SYT14: variants seen among roughly 807,000 people sequenced by gnomAD.
SYT14 encodes the protein synaptotagmin 14.
Under a neutral mutation model 74.2 loss-of-function variants are expected in SYT14, and 32 were observed. The observed-to-expected ratio is 0.43, with a 90% CI of 0.33 to 0.58. The LOEUF (loss-of-function observed/expected upper bound fraction) is 0.58. Among genes scored for constraint, SYT14 ranks in the 20% least tolerant of loss-of-function variants. The pLI is 0.05. For missense variants in SYT14, 791 were observed against 981.8 expected (o/e 0.81, Z 2.60); for synonymous variants, 298 against 337.7 (o/e 0.88, Z 1.29).
chr1:210,059,167 T>C (rs1435655307), intron 5 of SYT14, among the ~76,000 whole-genome samples: 2 of 151,926 alleles, frequency 1.3e-5, no homozygotes, highest in African/African-American at 4.8e-5. Context: ...GATTCTTTAC[T>C]AACAGAAAGT....
chr1:210,052,810 G>T (rs138426442), intron 5 of SYT14, among the ~76,000 whole-genome samples: 24 of 151,738 alleles, frequency 1.6e-4, no homozygotes, highest in Admixed American at 3.3e-4. Flanking sequence ...AATTATTGAG[G>T]TGTTTAAATT....
intron 7 of SYT14, among the ~76,000 whole-genome samples, chr1:210,109,558 CAG>C (rs1661049502): frequency 7.5e-6 from 1 of 133,016 alleles, no homozygotes; most frequent in Non-Finnish European, 1.6e-5. Flanking sequence ...AGCTTGGCAA[CAG>C]AGCAAGACTC....
At chr1:210,169,624 G>C (rs2083501117) in exon 10 of SYT14, 1 of 151,956 alleles carries the variant, frequency 6.6e-6, no homozygotes, top group Non-Finnish European at 1.5e-5. Flanking sequence ...ATAATATAGT[G>C]GCAACGATTT....
exon 10 of SYT14, chr1:210,161,745 C>T: frequency 2.2e-6 from 1 of 453,906 alleles, no homozygotes; most frequent in Non-Finnish European, 4.4e-6. Context: ...GACCAAGTCA[C>T]TGTACTGGTC....
chr1:210,103,052 TC>T (rs2082097062), intron 7 of SYT14, among the ~76,000 whole-genome samples: 1 of 152,136 alleles, frequency 6.6e-6, no homozygotes, highest in Non-Finnish European at 1.5e-5. Flanking sequence ...AAAGTTTTAA[TC>T]CAGCCAAAGA....
At chr1:210,021,589 A>G (rs561815284) in intron 5 of SYT14, among the ~76,000 whole-genome samples, 21 of 152,226 alleles carry the variant, frequency 1.4e-4, no homozygotes, top group Non-Finnish European at 2.9e-4. Flanking sequence ...TACCTGTTAT[A>G]GGAACTGATA....
At chr1:210,143,212 A>C (rs2082955902) in intron 7 of SYT14, among the ~76,000 whole-genome samples, 1 of 152,228 alleles carries the variant, frequency 6.6e-6, no homozygotes, top group Non-Finnish European at 1.5e-5. Flanking sequence ...AAGGTAATGC[A>C]TTAGAAGTGT....
At position 210,021,707 on chromosome 1, in the gene SYT14, C is replaced by T. The variant is rs530586688; in HGVS notation, c.1312+453C>T. On this transcript the variant is annotated intron_variant, in intron 5 of 9. Coordinates refer to ENST00000637265, the Ensembl canonical transcript of SYT14. The stretch of plus-strand genomic sequence containing the variant: ...GCCAAATGTTGCACATGGCAGACAG[C>T]GGAAGAAATGGTAATCTGTTTTGTG... 6.6e-5 allele frequency among the ~76,000 whole-genome samples: 10 copies of T among 152,182 alleles called. No homozygotes were observed. In the South Asian group the frequency reaches 1.5e-3, roughly 22 times the overall value.
intron 5 of SYT14, among the ~76,000 whole-genome samples, chr1:210,034,579 C>G (rs1344394548): frequency 1.3e-5 from 2 of 151,514 alleles, no homozygotes; most frequent in East Asian, 3.9e-4. Flanking sequence ...ATTCTCATCC[C>G]TCACCCACCC....
At chr1:210,104,190 C>T (rs567037218) in intron 7 of SYT14, among the ~76,000 whole-genome samples, 15 of 152,248 alleles carry the variant, frequency 9.9e-5, no homozygotes, top group African/African-American at 3.6e-4. Flanking sequence ...TGGTGCTGGG[C>T]CACTAACAGT....
chr1:210,072,780 AT>A (rs1173210602), intron 5 of SYT14, among the ~76,000 whole-genome samples: 1 of 151,966 alleles, frequency 6.6e-6, no homozygotes, highest in Non-Finnish European at 1.5e-5. Flanking sequence ...TATTCCATGC[AT>A]TTTTGTTTTA....
chr1:210,025,486 T>C (rs981769307), intron 5 of SYT14, among the ~76,000 whole-genome samples: 1 of 152,178 alleles, frequency 6.6e-6, no homozygotes, highest in Non-Finnish European at 1.5e-5. Flanking sequence ...TTTTAAAATA[T>C]ACAGTTTTTA....
chr1:210,156,838 AC>A, intron 8 of SYT14: 1 of 348,426 alleles, frequency 2.9e-6, no homozygotes, highest in South Asian at 2.3e-5. Flanking sequence ...GACTACAGGC[AC>A]CCACCACCAC....
exon 10 of SYT14, chr1:210,162,354 C>T: frequency 2.3e-6 from 1 of 443,652 alleles, no homozygotes; most frequent in Non-Finnish European, 4.5e-6. Context: ...TTTATTTCCT[C>T]TGAAGTATGT....
At chr1:209,948,167 G>A (rs2078852526) in intron 1 of SYT14, among the ~76,000 whole-genome samples, 1 of 152,288 alleles carries the variant, frequency 6.6e-6, no homozygotes, top group South Asian at 2.1e-4. Flanking sequence ...CGATATCTCT[G>A]AGGTATACCT....
chr1:209,943,072 C>T (rs2078762205), intron 1 of SYT14, among the ~76,000 whole-genome samples: 1 of 152,110 alleles, frequency 6.6e-6, no homozygotes, highest in South Asian at 2.1e-4. Flanking sequence ...AAAATTTAGA[C>T]TTTCAAAAGC....
chr1:209,972,261 T>C (rs1453133871), intron 2 of SYT14, among the ~76,000 whole-genome samples: 1 of 151,988 alleles, frequency 6.6e-6, no homozygotes, highest in East Asian at 1.9e-4. Context: ...TTTTCTTTTT[T>C]AATCTAGTGG....
At chr1:210,053,635 A>G (rs1336785760) in intron 5 of SYT14, among the ~76,000 whole-genome samples, 1 of 152,168 alleles carries the variant, frequency 6.6e-6, no homozygotes, top group Non-Finnish European at 1.5e-5. Context: ...CAAATAGGTA[A>G]ATGTAACAAT....
At chr1:210,013,501 G>A in intron 2 of SYT14, 132 bp from the exon 3 acceptor site, 3 of 903,060 alleles carry the variant, frequency 3.3e-6, no homozygotes, top group African/African-American at 1.7e-5. Flanking sequence ...AAACGAAACT[G>A]TTTTTAAACT....
Sources: allele counts gnomAD v4.1 joint callset (sites outside exome capture counted in the v4.1 genomes callset), GRCh38; gene constraint gnomAD v4.1.1; transcripts MANE v1.5; gene names NCBI Gene and HGNC (gene_info 2026-07-23, HGNC 2026-07-21).